Variants in PXDNL observed in about 807,000 individuals in gnomAD.
PXDNL encodes the protein probable oxidoreductase PXDNL.
Under a neutral mutation model 150.8 loss-of-function variants are expected in PXDNL, and 145 were observed. The observed-to-expected ratio is 0.96, with a 90% CI of 0.84 to 1.10. PXDNL has a LOEUF of 1.10. Among genes scored for constraint, PXDNL ranks in the 50% least tolerant of loss-of-function variants. PXDNL has a pLI of 0.00. For missense variants in PXDNL, 2,087 were observed against 1,873.9 expected (o/e 1.11, Z -2.10); for synonymous variants, 757 against 725.7 (o/e 1.04, Z -0.69).
intron 19 of PXDNL, among the ~76,000 whole-genome samples, chr8:51,363,143 C>T (rs781085174): frequency 3.6e-4 from 55 of 152,166 alleles, no homozygotes; most frequent in Non-Finnish European, 6.8e-4. Flanking sequence ...ATCCTCCAGG[C>T]ATCCTCCTCA....
chr8:51,494,041 T>A (rs1056368742), intron 5 of PXDNL, among the ~76,000 whole-genome samples: 1 of 151,954 alleles, frequency 6.6e-6, no homozygotes, highest in Non-Finnish European at 1.5e-5. Flanking sequence ...AAAGGTCGGG[T>A]TACCCACAAA....
intron 1 of PXDNL, among the ~76,000 whole-genome samples, chr8:51,750,336 G>A (rs1443652699): frequency 1.3e-5 from 2 of 152,104 alleles, no homozygotes; most frequent in African/African-American, 4.8e-5. Context: ...GCAAAAGCAC[G>A]CATGGAGCTG....
chr8:51,350,351 C>CTGCTTTT (rs1554528094), intron 19 of PXDNL, among the ~76,000 whole-genome samples: 1 of 72,834 alleles, frequency 1.4e-5, no homozygotes. Context: ...GCAAATGCAG[C>CTGCTTTT]TTCTTTTTTT....
At chr8:51,331,334 C>A (rs967973306) in intron 21 of PXDNL, among the ~76,000 whole-genome samples, 11 of 152,172 alleles carry the variant, frequency 7.2e-5, no homozygotes, top group African/African-American at 2.7e-4. Flanking sequence ...TGGGAGCTCA[C>A]TGAATCCCCA....
Position 51,409,165 on chromosome 8 carries a change from G to A in PXDNL, c.2459C>T (p.Ala820Val), listed in dbSNP as rs1164678668. 9 of 1,600,054 alleles carry A rather than the reference G, an allele frequency of 5.6e-6. No homozygotes were observed. In the East Asian group the frequency reaches 1.6e-4, roughly 28 times the overall value. Residue 820 changes from alanine (A) to valine (V), a missense_variant, in exon 17 of 23, where the codon GCG becomes GTG. By Grantham distance (64) the Ala-to-Val change is moderately conservative. Coordinates refer to ENST00000356297, the MANE Select transcript of PXDNL (RefSeq NM_144651.5). The part of the protein sequence containing the change: ...LEHDLDHTVP[A>V]LSTARFSDGR... ...ATCCGAGAAGCGGGCTGTGCTCAGC[G>A]CAGGCACTGTGTGGTCCAAGTCGTG...
At chr8:51,640,306 C>T (rs1364961072) in intron 2 of PXDNL, among the ~76,000 whole-genome samples, 1 of 152,132 alleles carries the variant, frequency 6.6e-6, no homozygotes, top group African/African-American at 2.4e-5. Context: ...GACAGGGATG[C>T]CGTCTCTCAC....
At chr8:51,505,201 C>A (rs1013517072) in intron 4 of PXDNL, among the ~76,000 whole-genome samples, 35 of 152,066 alleles carry the variant, frequency 2.3e-4, no homozygotes, top group African/African-American at 8.2e-4. Flanking sequence ...ACAACCACCC[C>A]GAGGTATCAG....
rs550146761 is a variant in PXDNL, at chr8:51,807,965, C to T, written c.164+1216G>A. ...TCCACATAGCAATAAGCAGTGCTCC[C>T]AAGTTCAAGAATCCTTTCAGTTATT... On this transcript the variant is annotated intron_variant, in intron 1 of 22. Coordinates refer to ENST00000356297, the MANE Select transcript of PXDNL (RefSeq NM_144651.5). 3.3e-5 allele frequency among the ~76,000 whole-genome samples: 5 copies of T among 152,306 alleles called. No individual in the cohort carries two copies. In the South Asian group the frequency reaches 1.0e-3, roughly 32 times the overall value.
intron 2 of PXDNL, among the ~76,000 whole-genome samples, chr8:51,621,915 G>A (rs1281869049): frequency 1.4e-5 from 2 of 144,102 alleles, no homozygotes; most frequent in African/African-American, 2.5e-5. Flanking sequence ...TTGCAGGCCA[G>A]CATGGGTGAC....
intron 5 of PXDNL, among the ~76,000 whole-genome samples, chr8:51,491,889 C>T (rs1293250351): frequency 1.3e-5 from 2 of 152,216 alleles, no homozygotes; most frequent in Non-Finnish European, 2.9e-5. Context: ...CTGTCTTGCA[C>T]CAGGGCTGTC....
chr8:51,535,811 C>T (rs1424347904), intron 4 of PXDNL, among the ~76,000 whole-genome samples: 3 of 152,120 alleles, frequency 2.0e-5, no homozygotes, highest in Non-Finnish European at 4.4e-5. Flanking sequence ...TCCCATCTTT[C>T]CTCTCTTATT....
intron 17 of PXDNL, among the ~76,000 whole-genome samples, chr8:51,387,326 G>GCCATGTTT (rs1807748893): frequency 1.3e-5 from 2 of 152,230 alleles, no homozygotes; most frequent in Admixed American, 1.3e-4. Context: ...TGGTAATAGA[G>GCCATGTTT]CCATGTTTTG....
At chr8:51,689,191 C>T (rs4873573) in intron 1 of PXDNL, among the ~76,000 whole-genome samples, 81,096 of 152,096 alleles carry the variant, frequency 0.53, 26,361 homozygotes, top group Non-Finnish European at 0.7. Flanking sequence ...TCTTGGGCAT[C>T]TATTGAAGTG....
chr8:51,377,044 C>T (rs1201129956), intron 17 of PXDNL, among the ~76,000 whole-genome samples: 3 of 150,584 alleles, frequency 2.0e-5, no homozygotes, highest in Admixed American at 6.6e-5. Context: ...CTAGAGCATC[C>T]TTAATTTCAT....
At chr8:51,665,539 G>A (rs925068706) in intron 1 of PXDNL, among the ~76,000 whole-genome samples, 11 of 152,034 alleles carry the variant, frequency 7.2e-5, no homozygotes, top group African/African-American at 2.7e-4. Context: ...TGAAGAGCAG[G>A]GAAATGTCTA....
At chr8:51,798,925 T>C (rs2037590067) in intron 1 of PXDNL, among the ~76,000 whole-genome samples, 1 of 152,120 alleles carries the variant, frequency 6.6e-6, no homozygotes, top group African/African-American at 2.4e-5. Flanking sequence ...GGAATATAAA[T>C]CATTCTATTA....
At chr8:51,434,924 C>T (rs1809354212) in intron 12 of PXDNL, among the ~76,000 whole-genome samples, 1 of 152,138 alleles carries the variant, frequency 6.6e-6, no homozygotes, top group South Asian at 2.1e-4. Context: ...AATGATTGAA[C>T]ATCTATACCC....
At chr8:51,553,572 C>G (rs995963879) in intron 4 of PXDNL, among the ~76,000 whole-genome samples, 1 of 151,964 alleles carries the variant, frequency 6.6e-6, no homozygotes, top group Admixed American at 6.6e-5. Flanking sequence ...TTTATATATG[C>G]GCATTGAAAA....
intron 2 of PXDNL, among the ~76,000 whole-genome samples, chr8:51,637,283 A>C (rs1003376569): frequency 6.6e-6 from 1 of 152,188 alleles, no homozygotes; most frequent in African/African-American, 2.4e-5. Flanking sequence ...AAAGTCTAAA[A>C]ATCAGAGTGC....
Sources: gnomAD v4.1 joint callset for allele counts (sites outside exome capture counted in the v4.1 genomes callset) on GRCh38, gnomAD v4.1.1 for gene constraint, MANE v1.5 for transcripts, NCBI Gene and HGNC (gene_info 2026-07-23, HGNC 2026-07-21) for gene names.